ZNF410: variants seen among roughly 807,000 people sequenced by gnomAD.
ZNF410 encodes zinc finger protein 410.
ZNF410 carries 18 observed loss-of-function variants against 54.8 expected under a neutral mutation model. The observed-to-expected ratio is 0.33, with a 90% CI of 0.23 to 0.49. ZNF410 has a LOEUF of 0.49. Among genes scored for constraint, ZNF410 ranks in the 20% least tolerant of loss-of-function variants. ZNF410 has a pLI of 0.99. For synonymous variants in ZNF410, 191 were observed against 207.3 expected, an observed-to-expected ratio of 0.92 and a Z score of 0.68; for missense variants, 405 against 569.6, an observed-to-expected ratio of 0.71 and a Z score of 2.94.
In ZNF410 at chr14:73,898,152, G is replaced by T; in HGVS notation, c.470G>T (p.Ser157Ile). Residue 157 changes from serine to isoleucine, a missense_variant, in exon 5 of 12, where the codon AGC becomes ATC. Ser to Ile is a moderately radical substitution (Grantham distance 142). Coordinates refer to ENST00000555044, the MANE Select transcript of ZNF410 (RefSeq NM_021188.3). ...GGGAATGATTTCCTCTCCAGTGAGA[G>T]CACAGACAGTAGCATTCCATGGTTC... Reference protein sequence around the residue: ...DSGNDFLSSESTDSSIPWFLR... With the variant: ...DSGNDFLSSEITDSSIPWFLR... The T allele has an allele frequency of 6.2e-7, 1 of 1,614,150 alleles. No individual in the cohort carries two copies. The highest frequency in any genetic ancestry group is 8.5e-7 in the Non-Finnish European group (1 of 1,180,042).
At chr14:73,925,386 G>A (rs1419928010) in intron 11 of ZNF410, among the ~76,000 whole-genome samples, 1 of 151,586 alleles carries the variant, frequency 6.6e-6, no homozygotes, top group Non-Finnish European at 1.5e-5. Context: ...CGTCGAAGTC[G>A]AAGTTACGGC....
At chr14:73,913,920 G>A (rs1401954974) in intron 8 of ZNF410, 2 of 151,956 alleles carry the variant, frequency 1.3e-5, no homozygotes, top group African/African-American at 4.8e-5. Flanking sequence ...ACTTGGCTGA[G>A]TTTTAGTAGT....
chr14:73,921,490 T>C (rs2055753803), intron 9 of ZNF410, among the ~76,000 whole-genome samples: 1 of 152,184 alleles, frequency 6.6e-6, no homozygotes, highest in South Asian at 2.1e-4. Flanking sequence ...AGCTTTTTAA[T>C]TTTTTTAGAT....
intron 2 of ZNF410, 194 bp from the exon 3 acceptor site, chr14:73,893,603 A>T: frequency 1.8e-6 from 1 of 547,358 alleles, no homozygotes; most frequent in Non-Finnish European, 2.9e-6. Context: ...TTTGCAGCAC[A>T]TGACTTTATA....
chr14:73,891,975 T>C, intron 1 of ZNF410, 52 bp from the exon 2 acceptor site: 1 of 696,132 alleles, frequency 1.4e-6, no homozygotes, highest in South Asian at 1.5e-5. Flanking sequence ...TATGTACCTG[T>C]GTTTTCCCAC....
intron 7 of ZNF410, among the ~76,000 whole-genome samples, chr14:73,907,817 C>T (rs1167300624): frequency 6.6e-6 from 1 of 151,692 alleles, no homozygotes; most frequent in Non-Finnish European, 1.5e-5. Context: ...CGCTTGAACC[C>T]AGGAGACAGA....
At chr14:73,904,809 A>T in intron 6 of ZNF410, 93 bp from the exon 7 acceptor site, 1 of 1,390,550 alleles carries the variant, frequency 7.2e-7, no homozygotes, top group Non-Finnish European at 9.6e-7. Flanking sequence ...TTTTGGACTT[A>T]CTGTTTGCCT....
chr14:73,898,025 A>G (rs1337175825), intron 4 of ZNF410, 46 bp from the exon 5 acceptor site: 1 of 1,556,312 alleles, frequency 6.4e-7, no homozygotes. Context: ...GGGCAAATAA[A>G]AAGCTTGCTT....
intron 8 of ZNF410, among the ~76,000 whole-genome samples, chr14:73,919,340 G>T (rs747566826): frequency 6.6e-6 from 1 of 151,982 alleles, no homozygotes; most frequent in Non-Finnish European, 1.5e-5. Context: ...GTGCAGGTTT[G>T]TTACAAGGGT....
intron 6 of ZNF410, 110 bp downstream of exon 6, chr14:73,904,220 T>C: frequency 8.5e-7 from 1 of 1,178,032 alleles, no homozygotes; most frequent in Non-Finnish European, 1.2e-6. Flanking sequence ...GGGACTCCAG[T>C]TAACTTCTGG....
At chr14:73,917,613 A>G (rs2055687875) in intron 8 of ZNF410, among the ~76,000 whole-genome samples, 1 of 152,146 alleles carries the variant, frequency 6.6e-6, no homozygotes, top group East Asian at 1.9e-4. Flanking sequence ...ACCTGAGGTC[A>G]GGAGTTCAAA....
chr14:73,905,962 CACACACAT>C (rs1283434277), intron 7 of ZNF410, among the ~76,000 whole-genome samples: 254 of 22,972 alleles, frequency 0.011, 2 homozygotes, highest in Admixed American at 0.025. Context: ...CACACACACA[CACACACAT>C]ATATATATAT....
At chr14:73,906,429 ATTG>A (rs1233869037) in intron 7 of ZNF410, 1 of 152,060 alleles carries the variant, frequency 6.6e-6, no homozygotes, top group African/African-American at 2.4e-5. Context: ...AGACCAGCCC[ATTG>A]TTGTAGCATT....
chr14:73,896,156 C>T, intron 3 of ZNF410, 160 bp from the exon 4 acceptor site: 1 of 609,970 alleles, frequency 1.6e-6, no homozygotes, highest in Non-Finnish European at 2.9e-6. Flanking sequence ...AAAGCCATCT[C>T]TCTGTTCTTC....
intron 7 of ZNF410, among the ~76,000 whole-genome samples, chr14:73,909,078 C>T (rs571275187): frequency 6.6e-6 from 1 of 152,278 alleles, no homozygotes; most frequent in Non-Finnish European, 1.5e-5. Flanking sequence ...TAGGTTAATG[C>T]AACTCTCCAG....
At chr14:73,898,875 G>T (rs1202363842) in intron 5 of ZNF410, among the ~76,000 whole-genome samples, 1 of 152,162 alleles carries the variant, frequency 6.6e-6, no homozygotes, top group Non-Finnish European at 1.5e-5. Flanking sequence ...CGTCACGTGG[G>T]AACTGAGAAA....
chr14:73,928,570 G>T (rs993408949), intron 11 of ZNF410, among the ~76,000 whole-genome samples: 1 of 152,120 alleles, frequency 6.6e-6, no homozygotes, highest in Non-Finnish European at 1.5e-5. Context: ...CACAAGTCTT[G>T]GAATTGGCCT....
chr14:73,891,038 C>T (rs1476417513), intron 1 of ZNF410, among the ~76,000 whole-genome samples: 1 of 151,836 alleles, frequency 6.6e-6, no homozygotes, highest in Non-Finnish European at 1.5e-5. Context: ...GAGAGAACAG[C>T]CGCATCAGGG....
intron 5 of ZNF410, among the ~76,000 whole-genome samples, chr14:73,899,809 A>G (rs989282981): frequency 2.4e-4 from 36 of 152,218 alleles, no homozygotes; most frequent in African/African-American, 8.0e-4. Context: ...GGGAAATGTT[A>G]TAATCAGCAA....
Sources: allele counts gnomAD v4.1 joint callset (sites outside exome capture counted in the v4.1 genomes callset), GRCh38; gene constraint gnomAD v4.1.1; transcripts MANE v1.5; gene names NCBI Gene and HGNC (gene_info 2026-07-23, HGNC 2026-07-21).